Variants in SEMA3D observed in about 807,000 individuals in gnomAD.
SEMA3D encodes semaphorin 3D.
Under a neutral mutation model 100.1 loss-of-function variants are expected in SEMA3D, and 84 were observed. That is an observed-to-expected ratio of 0.84 (90% CI 0.70 to 1.01). The LOEUF is 1.01. Ranked by LOEUF, SEMA3D falls within the 50% of genes least tolerant of loss-of-function variation. SEMA3D has a pLI of 0.00. For synonymous variants in SEMA3D, 312 were observed against 320.7 expected (o/e 0.97, Z 0.29); for missense variants, 875 against 934.1 (o/e 0.94, Z 0.82).
intron 5 of SEMA3D, among the ~76,000 whole-genome samples, chr7:85,080,577 C>T (rs1362714761): frequency 6.6e-6 from 1 of 152,060 alleles, no homozygotes; most frequent in Admixed American, 6.6e-5. Context: ...TATGTTTCTG[C>T]CCCAGGTTAC....
At chr7:85,037,596 T>C (rs1790737002) in intron 11 of SEMA3D, among the ~76,000 whole-genome samples, 1 of 152,292 alleles carries the variant, frequency 6.6e-6, no homozygotes, top group South Asian at 2.1e-4. Flanking sequence ...TATATTTATA[T>C]GATTTTTATT....
intron 17 of SEMA3D, among the ~76,000 whole-genome samples, chr7:85,011,460 G>C (rs1247417607): frequency 1.3e-5 from 2 of 151,706 alleles, no homozygotes; most frequent in Non-Finnish European, 2.9e-5. Flanking sequence ...ACTACGTTTT[G>C]TATCAGTTTC....
At chr7:85,157,892 A>G (rs1032703375) in intron 1 of SEMA3D, among the ~76,000 whole-genome samples, 68 of 152,164 alleles carry the variant, frequency 4.5e-4, no homozygotes, top group African/African-American at 1.6e-3. Flanking sequence ...TTAGTTCCCC[A>G]AATTAATACT....
the SEMA3D span, among the ~76,000 whole-genome samples, chr7:85,194,134 TTA>T: frequency 6.6e-6 from 1 of 152,176 alleles, no homozygotes; most frequent in African/African-American, 2.4e-5. Context: ...AAGTAGATGA[TTA>T]TGTTATCTGC....
At chr7:85,134,724 G>A (rs1025077505) in intron 2 of SEMA3D, among the ~76,000 whole-genome samples, 1 of 151,894 alleles carries the variant, frequency 6.6e-6, no homozygotes, top group Non-Finnish European at 1.5e-5. Context: ...AATGAAAGAA[G>A]AACTCAGTCT....
intron 4 of SEMA3D, among the ~76,000 whole-genome samples, chr7:85,084,232 T>G (rs1463564538): frequency 6.6e-6 from 1 of 152,202 alleles, no homozygotes; most frequent in Non-Finnish European, 1.5e-5. Context: ...CCTCTCACTT[T>G]TTCCCCCCTC....
At chr7:85,023,158 T>C (rs1223993307) in intron 12 of SEMA3D, among the ~76,000 whole-genome samples, 2 of 151,920 alleles carry the variant, frequency 1.3e-5, no homozygotes, top group African/African-American at 4.8e-5. Flanking sequence ...ATTCAACAGC[T>C]CTTCTCCTAA....
At chr7:85,245,658 T>C in the SEMA3D span, among the ~76,000 whole-genome samples, 2 of 152,180 alleles carry the variant, frequency 1.3e-5, no homozygotes, top group African/African-American at 4.8e-5. Context: ...CTAACAAAGA[T>C]AAGCCGATTA....
chr7:85,022,836 A>G (rs1164593955), intron 12 of SEMA3D, among the ~76,000 whole-genome samples: 1 of 151,940 alleles, frequency 6.6e-6, no homozygotes, highest in Non-Finnish European at 1.5e-5. Context: ...TCTGCATTTT[A>G]TAATGTTTCC....
intron 6 of SEMA3D, among the ~76,000 whole-genome samples, chr7:85,069,427 T>C (rs904568975): frequency 6.6e-6 from 1 of 152,174 alleles, no homozygotes; most frequent in African/African-American, 2.4e-5. Context: ...TAATGGTACC[T>C]TTATAATCTA....
intron 3 of SEMA3D, among the ~76,000 whole-genome samples, chr7:85,119,813 T>C (rs1386860734): frequency 1.3e-5 from 2 of 152,064 alleles, no homozygotes; most frequent in African/African-American, 4.8e-5. Flanking sequence ...GTGCCCCAGG[T>C]TTGGTAAACT....
At chr7:85,115,869 C>T (rs533506090) in intron 3 of SEMA3D, among the ~76,000 whole-genome samples, 37 of 152,214 alleles carry the variant, frequency 2.4e-4, no homozygotes, top group Non-Finnish European at 4.0e-4. Flanking sequence ...ATGGTAAGTG[C>T]ATGTTTAATA....
the SEMA3D span, among the ~76,000 whole-genome samples, chr7:85,242,713 A>G: frequency 6.6e-6 from 1 of 152,110 alleles, no homozygotes; most frequent in Non-Finnish European, 1.5e-5. Flanking sequence ...ATTTTGATGA[A>G]GCTCTGTTTT....
Position 85,186,301 on chromosome 7 carries a change from A to G in SEMA3D, c.-173+377T>C, listed in dbSNP as rs1366473663. Among the ~76,000 whole-genome samples the G allele has an allele frequency of 2.0e-5, 3 of 152,276 alleles. No homozygotes were observed. The South Asian group carries it at 6.2e-4, about 32-fold the overall frequency. On this transcript the variant is annotated intron_variant, in intron 1 of 18. Coordinates refer to ENST00000284136, the MANE Select transcript of SEMA3D (RefSeq NM_001384900.1). ...CATTCATAGACGCTCTCTGCTGCCC[A>G]GACCAGGAGGGGTGGTGGGGGAACC...
At chr7:85,066,913 C>CACACACACACACAGAGAG in intron 7 of SEMA3D, among the ~76,000 whole-genome samples, 3 of 127,760 alleles carry the variant, frequency 2.3e-5, no homozygotes, top group African/African-American at 9.5e-5. Flanking sequence ...CACACACACA[C>CACACACACACACAGAGAG]AGAGAGAGAG....
At chr7:85,091,778 T>G (rs1008784734) in intron 4 of SEMA3D, among the ~76,000 whole-genome samples, 1 of 152,072 alleles carries the variant, frequency 6.6e-6, no homozygotes, top group Non-Finnish European at 1.5e-5. Flanking sequence ...TTCTAATGCA[T>G]CACTTGTAAA....
chr7:85,232,601 C>T, the SEMA3D span, among the ~76,000 whole-genome samples: 113 of 152,176 alleles, frequency 7.4e-4, no homozygotes, highest in South Asian at 5.4e-3. Context: ...CACCCCTAAA[C>T]GAGAAGCAAT....
In SEMA3D at chr7:85,090,838, T is replaced by C. The variant is rs527740885; in HGVS notation, c.312+6967A>G. ...GGAAATAACAAAGCTCTTTTTATGT[T>C]AGACAAAGAAGGGTGTTTAAATATT... On this transcript the variant is annotated intron_variant, in intron 4 of 18. Coordinates refer to ENST00000284136, the MANE Select transcript of SEMA3D (RefSeq NM_001384900.1). Among the ~76,000 whole-genome samples, 3 of 152,236 alleles carry C rather than the reference T, an allele frequency of 2.0e-5. No homozygotes were observed. In the South Asian group the frequency reaches 6.2e-4, roughly 32 times the overall value.
At chr7:85,217,422 T>C in the SEMA3D span, among the ~76,000 whole-genome samples, 8 of 152,046 alleles carry the variant, frequency 5.3e-5, no homozygotes, top group African/African-American at 1.4e-4. Flanking sequence ...TCACAGATCT[T>C]ATAGTTTAAC....
Sources: gnomAD v4.1 joint callset for allele counts (sites outside exome capture counted in the v4.1 genomes callset) on GRCh38, gnomAD v4.1.1 for gene constraint, MANE v1.5 for transcripts, NCBI Gene and HGNC (gene_info 2026-07-23, HGNC 2026-07-21) for gene names.